The following CRPPA variants were observed in gnomAD, a reference collection of about 807,000 sequenced individuals.
The protein encoded by CRPPA is CDP-L-ribitol pyrophosphorylase A.
CRPPA carries 43 observed loss-of-function variants against 52.0 expected under a neutral mutation model. The observed-to-expected ratio is 0.83, with a 90% CI of 0.65 to 1.07. The LOEUF (loss-of-function observed/expected upper bound fraction) is 1.07. CRPPA is among the 50% of genes least tolerant of loss of function. The pLI is 0.00. For missense variants in CRPPA, 629 were observed against 551.7 expected, an observed-to-expected ratio of 1.14 and a Z score of -1.40; for synonymous variants, 250 against 203.5, an observed-to-expected ratio of 1.23 and a Z score of -1.94.
At chr7:16,367,880 G>A (rs548303927) in intron 3 of CRPPA, among the ~76,000 whole-genome samples, 12 of 152,192 alleles carry the variant, frequency 7.9e-5, no homozygotes, top group African/African-American at 2.9e-4. Context: ...AATATTACAT[G>A]TCTCCATCGT....
Position 16,235,270 on chromosome 7 carries a change from T to C in CRPPA, c.1120-19073A>G, listed in dbSNP as rs1475163832. Among the ~76,000 whole-genome samples, 3 of 152,048 alleles carry C rather than the reference T, an allele frequency of 2.0e-5. No individual in the cohort carries two copies. The South Asian group carries it at 6.2e-4, about 32-fold the overall frequency. ...GCATTTGAACATTTCTATCAAAACT[T>C]TGAGATAGGATGACATGTAGGGATA... is the stretch of plus-strand genomic sequence containing the variant. On this transcript the variant is annotated intron_variant, in intron 8 of 9. Coordinates refer to ENST00000407010, the MANE Select transcript of CRPPA (RefSeq NM_001101426.4).
At chr7:16,266,304 T>G (rs1783950811) in intron 6 of CRPPA, 1 of 152,112 alleles carries the variant, frequency 6.6e-6, no homozygotes, top group Admixed American at 6.5e-5. Context: ...GTAGAAGACA[T>G]TATTGTGGTA....
chr7:16,317,195 T>C (rs1785161628), intron 3 of CRPPA, among the ~76,000 whole-genome samples: 1 of 152,130 alleles, frequency 6.6e-6, no homozygotes, highest in African/African-American at 2.4e-5. Context: ...TGTTGCCATG[T>C]AACAAGTTGT....
intron 3 of CRPPA, among the ~76,000 whole-genome samples, chr7:16,369,011 T>G (rs765396593): frequency 6.6e-6 from 1 of 152,178 alleles, no homozygotes; most frequent in African/African-American, 2.4e-5. Flanking sequence ...CAGCAATATT[T>G]AAGAACCTAA....
intron 2 of CRPPA, among the ~76,000 whole-genome samples, chr7:16,376,781 C>T (rs894055756): frequency 6.6e-6 from 1 of 152,206 alleles, no homozygotes; most frequent in Non-Finnish European, 1.5e-5. Context: ...CCATGCAATG[C>T]TTCCTCAGGC....
rs571223519 is a variant in CRPPA, at chr7:16,089,222, G to A, written c.*2473C>T. The A allele has an allele frequency of 1.6e-5, 6 of 370,766 alleles. No homozygotes were observed. Among genetic ancestry groups the A allele is most frequent in the South Asian group, 1.1e-4 (6 of 54,692 alleles). The allele number at this position is 370,766 out of a possible 1,614,324, so 23.0% of individuals were successfully genotyped here. ...TATATACGTACGTATATACATATAT[G>A]TGTGTATGCGTACGTATATACATAT... On this transcript the variant is annotated 3_prime_UTR_variant, in exon 10 of 10. Coordinates refer to ENST00000407010, the MANE Select transcript of CRPPA (RefSeq NM_001101426.4).
chr7:16,232,475 C>A (rs867638979), intron 8 of CRPPA, among the ~76,000 whole-genome samples: 44 of 152,250 alleles, frequency 2.9e-4, no homozygotes, highest in Middle Eastern at 3.4e-3. Context: ...TGATCTTCAC[C>A]AATTGTCAGT....
chr7:16,236,950 G>GCGCACA (rs113087076), intron 8 of CRPPA, among the ~76,000 whole-genome samples: 68 of 149,686 alleles, frequency 4.5e-4, no homozygotes, highest in Non-Finnish European at 6.1e-4. Context: ...TCGTGCGCGC[G>GCGCACA]CACACACACA....
chr7:16,123,943 G>C (rs1431583025), intron 9 of CRPPA, among the ~76,000 whole-genome samples: 5 of 151,904 alleles, frequency 3.3e-5, no homozygotes, highest in African/African-American at 9.7e-5. Context: ...CATCCATATT[G>C]ACATTTAAAA....
intron 3 of CRPPA, among the ~76,000 whole-genome samples, chr7:16,337,151 C>T (rs941812908): frequency 1.2e-4 from 18 of 152,062 alleles, no homozygotes; most frequent in Non-Finnish European, 2.6e-4. Context: ...AGAGAACATT[C>T]GGTCCAACGG....
chr7:16,397,348 T>C (rs993171100), intron 2 of CRPPA, among the ~76,000 whole-genome samples: 1 of 152,130 alleles, frequency 6.6e-6, no homozygotes, highest in Non-Finnish European at 1.5e-5. Flanking sequence ...CCAACATGTG[T>C]TACAGGTGAC....
intron 9 of CRPPA, among the ~76,000 whole-genome samples, chr7:16,206,066 T>C (rs780924294): frequency 5.9e-5 from 9 of 152,050 alleles, no homozygotes; most frequent in Non-Finnish European, 1.2e-4. Flanking sequence ...TAGAAATAAA[T>C]AGTATAATGC....
At chr7:16,179,294 T>A (rs140940694) in intron 9 of CRPPA, among the ~76,000 whole-genome samples, 2 of 152,092 alleles carry the variant, frequency 1.3e-5, no homozygotes, top group Non-Finnish European at 1.5e-5. Context: ...ACTTTATAAA[T>A]GATAGACAAA....
At chr7:16,261,839 CCCTT>C (rs1349560966) in intron 6 of CRPPA, 12 of 152,062 alleles carry the variant, frequency 7.9e-5, no homozygotes, top group African/African-American at 2.9e-4. Context: ...CCCGCCATTG[CCCTT>C]CCAAGTACGC....
intron 9 of CRPPA, among the ~76,000 whole-genome samples, chr7:16,157,401 T>C (rs1202647294): frequency 2.0e-5 from 3 of 152,128 alleles, no homozygotes; most frequent in African/African-American, 7.2e-5. Flanking sequence ...ATCCCGAACA[T>C]TATTGCAATT....
Position 16,173,254 on chromosome 7 carries a change from TCTA to T in CRPPA, c.1251+42809_1251+42811del, listed in dbSNP as rs542426942. Among the ~76,000 whole-genome samples the T allele has an allele frequency of 2.9e-3, 435 of 152,328 alleles. 2 individuals carry two copies. Among genetic ancestry groups the T allele is most frequent in the African/African-American group, 9.9e-3 (410 of 41,588 alleles). On this transcript the variant is annotated intron_variant, in intron 9 of 9. Coordinates refer to ENST00000407010, the MANE Select transcript of CRPPA (RefSeq NM_001101426.4). Reference sequence around the variant, plus strand: ...GTAAATTCATTAATCAAGTGCCATATCTACCCCTTCTAGGGAATATGCTAATTG... The same window carrying T: ...GTAAATTCATTAATCAAGTGCCATATCCCCTTCTAGGGAATATGCTAATTG...
intron 3 of CRPPA, among the ~76,000 whole-genome samples, chr7:16,327,236 A>T (rs1785420111): frequency 6.6e-6 from 1 of 152,174 alleles, no homozygotes; most frequent in South Asian, 2.1e-4. Flanking sequence ...ACCTTAAAAA[A>T]AGCTAAGGAA....
intron 9 of CRPPA, among the ~76,000 whole-genome samples, chr7:16,183,451 A>C (rs1325626849): frequency 6.6e-6 from 1 of 152,214 alleles, no homozygotes; most frequent in Non-Finnish European, 1.5e-5. Context: ...GGAAAGCCTG[A>C]GAACTTGCCT....
intron 9 of CRPPA, among the ~76,000 whole-genome samples, chr7:16,212,778 G>A (rs1320159504): frequency 6.6e-6 from 1 of 152,080 alleles, no homozygotes; most frequent in Non-Finnish European, 1.5e-5. Context: ...GAAGAACCTG[G>A]GGCCTATAAA....
Sources: gnomAD v4.1 joint callset for allele counts (sites outside exome capture counted in the v4.1 genomes callset) on GRCh38, gnomAD v4.1.1 for gene constraint, MANE v1.5 for transcripts, NCBI Gene and HGNC (gene_info 2026-07-23, HGNC 2026-07-21) for gene names.